BMPR1B: variants seen among roughly 807,000 people sequenced by gnomAD.
The protein encoded by BMPR1B is bone morphogenetic protein receptor type 1B.
BMPR1B carries 12 observed loss-of-function variants against 59.1 expected under a neutral mutation model. The ratio of observed to expected loss-of-function variants is 0.20; its 90% CI spans 0.13 to 0.33. The LOEUF is 0.33. Ranked by LOEUF, BMPR1B falls within the 10% of genes least tolerant of loss-of-function variation. The pLI is 1.00. For missense variants in BMPR1B, 550 were observed against 610.9 expected (o/e 0.90, Z 1.05); for synonymous variants, 237 against 207.3 (o/e 1.14, Z -1.23).
intron 2 of BMPR1B, among the ~76,000 whole-genome samples, chr4:94,993,244 G>T (rs1721858296): frequency 1.3e-5 from 2 of 151,946 alleles, no homozygotes; most frequent in Non-Finnish European, 2.9e-5. Flanking sequence ...AGTTGAATGG[G>T]TAGTTTTAAT....
chr4:95,095,996 C>T (rs1303138212), intron 3 of BMPR1B, among the ~76,000 whole-genome samples: 2 of 151,226 alleles, frequency 1.3e-5, no homozygotes, highest in African/African-American at 4.8e-5. Flanking sequence ...ACATTGTACT[C>T]TTGATATGTA....
At chr4:95,015,934 G>C (rs944439222) in intron 3 of BMPR1B, among the ~76,000 whole-genome samples, 1 of 152,186 alleles carries the variant, frequency 6.6e-6, no homozygotes, top group African/African-American at 2.4e-5. Context: ...CTTATGATCC[G>C]CCCGCCTTGG....
intron 2 of BMPR1B, among the ~76,000 whole-genome samples, chr4:94,889,487 C>G (rs1319816314): frequency 1.3e-5 from 2 of 152,080 alleles, no homozygotes; most frequent in Non-Finnish European, 2.9e-5. Context: ...TGCATGTTCT[C>G]TCTGTACTGC....
intron 3 of BMPR1B, among the ~76,000 whole-genome samples, chr4:95,054,098 A>G (rs1726741251): frequency 6.6e-6 from 1 of 152,218 alleles, no homozygotes; most frequent in Non-Finnish European, 1.5e-5. Context: ...GTCTTTCAAA[A>G]TGACGACTTG....
At chr4:94,995,006 A>G (rs1485484804) in intron 2 of BMPR1B, among the ~76,000 whole-genome samples, 6 of 152,178 alleles carry the variant, frequency 3.9e-5, no homozygotes. Flanking sequence ...AGTTTCCTTT[A>G]CCTTTGATTT....
intron 2 of BMPR1B, among the ~76,000 whole-genome samples, chr4:94,914,435 T>C (rs1214227742): frequency 6.6e-6 from 1 of 152,198 alleles, no homozygotes; most frequent in Admixed American, 6.6e-5. Flanking sequence ...AGAGTATTAA[T>C]TGAGTGATCA....
At chr4:95,048,761 T>C (rs753505855) in intron 3 of BMPR1B, among the ~76,000 whole-genome samples, 2 of 152,124 alleles carry the variant, frequency 1.3e-5, no homozygotes, top group African/African-American at 2.4e-5. Context: ...AATATGTACA[T>C]TAGGGTGAGA....
chr4:95,103,577 G>A (rs1001258403), intron 3 of BMPR1B: 1 of 767,684 alleles, frequency 1.3e-6, no homozygotes, highest in African/African-American at 1.9e-5. Flanking sequence ...CTTGACATGA[G>A]GTTTGGTGTC....
chr4:94,917,004 C>T (rs148079765), intron 2 of BMPR1B, among the ~76,000 whole-genome samples: 8 of 152,370 alleles, frequency 5.3e-5, no homozygotes, highest in African/African-American at 1.9e-4. Flanking sequence ...CTTGGGCTGC[C>T]ACTTTGGAGA....
chr4:95,001,506 A>T (rs1275909052), intron 3 of BMPR1B, among the ~76,000 whole-genome samples: 1 of 152,174 alleles, frequency 6.6e-6, no homozygotes, highest in Non-Finnish European at 1.5e-5. Context: ...ACAAACATTC[A>T]TTCAATAGAA....
chr4:95,043,038 G>C (rs1031125085), intron 3 of BMPR1B, among the ~76,000 whole-genome samples: 2 of 150,538 alleles, frequency 1.3e-5, no homozygotes, highest in African/African-American at 4.9e-5. Context: ...AGCCGGGCGC[G>C]GTGGCGGGCG....
At chr4:95,133,712 C>G (rs778734380) in intron 10 of BMPR1B, among the ~76,000 whole-genome samples, 76 of 152,082 alleles carry the variant, frequency 5.0e-4, no homozygotes, top group Non-Finnish European at 8.7e-4. Flanking sequence ...ATTGGAACTT[C>G]AGGCATGTGC....
At chr4:94,828,004 G>C (rs1199480804) in intron 1 of BMPR1B, among the ~76,000 whole-genome samples, 8 of 152,066 alleles carry the variant, frequency 5.3e-5, no homozygotes, top group Admixed American at 5.2e-4. Context: ...TTTCACACAA[G>C]GTGTTTGTAA....
At chr4:94,761,195 A>G (rs942925615) in intron 1 of BMPR1B, among the ~76,000 whole-genome samples, 3 of 152,184 alleles carry the variant, frequency 2.0e-5, no homozygotes, top group African/African-American at 7.2e-5. Context: ...ATGTCATCCA[A>G]TAAAAGCCGT....
intron 2 of BMPR1B, among the ~76,000 whole-genome samples, chr4:94,894,542 C>T (rs1727517364): frequency 6.6e-6 from 1 of 151,846 alleles, no homozygotes; most frequent in Non-Finnish European, 1.5e-5. Flanking sequence ...GATCTTGGTC[C>T]ACATTTTTTC....
chr4:94,997,434 T>C (rs1722135069), intron 3 of BMPR1B, among the ~76,000 whole-genome samples: 1 of 152,208 alleles, frequency 6.6e-6, no homozygotes, highest in Non-Finnish European at 1.5e-5. Flanking sequence ...AAATGTAAAG[T>C]AAGAATTTTA....
Position 94,841,052 on chromosome 4 carries a change from G to GC in BMPR1B, c.-182-34779_-182-34778insC, listed in dbSNP as rs1292181998. 1.4e-5 allele frequency among the ~76,000 whole-genome samples: 2 copies of GC among 147,950 alleles called. 1 individual carries two copies. Among genetic ancestry groups the GC allele is most frequent in the Non-Finnish European group, 3.0e-5 (2 of 66,342 alleles). On this transcript the variant is annotated intron_variant, in intron 1 of 12. Transcript: ENST00000515059. ...AGGTGTCAGTGTGCCCCTGCTAGGG[G>GC]GTGCCTCCCAGTTAGGCTGTTCGGG...
intron 1 of BMPR1B, among the ~76,000 whole-genome samples, chr4:94,844,915 A>C (rs1345440705): frequency 6.6e-6 from 1 of 152,248 alleles, no homozygotes; most frequent in East Asian, 1.9e-4. Flanking sequence ...ATAGTGGGCC[A>C]GACCCTGGCA....
At chr4:94,961,739 G>A (rs1730361670) in intron 2 of BMPR1B, among the ~76,000 whole-genome samples, 1 of 152,084 alleles carries the variant, frequency 6.6e-6, no homozygotes, top group Non-Finnish European at 1.5e-5. Context: ...CCATACTCAA[G>A]TGTGCTAACA....
Sources: allele counts gnomAD v4.1 joint callset (sites outside exome capture counted in the v4.1 genomes callset), GRCh38; gene constraint gnomAD v4.1.1; transcripts MANE v1.5; gene names NCBI Gene and HGNC (gene_info 2026-07-23, HGNC 2026-07-21).